The following TMEM156 variants were observed in gnomAD, a reference collection of about 807,000 sequenced individuals.
TMEM156 encodes transmembrane protein 156.
A neutral mutation model predicts 30.5 loss-of-function variants in TMEM156; 28 were observed. The observed-to-expected ratio is 0.92, with a 90% CI of 0.68 to 1.26. The LOEUF is 1.26. Among genes scored for constraint, TMEM156 ranks in the 50% most tolerant of loss-of-function variants. The pLI, the probability that TMEM156 is intolerant of heterozygous loss-of-function variation, is 0.00. For synonymous variants in TMEM156, 137 were observed against 119.9 expected (o/e 1.14, Z -0.93); for missense variants, 351 against 340.6 (o/e 1.03, Z -0.24).
intron 3 of TMEM156, among the ~76,000 whole-genome samples, chr4:38,989,325 T>C (rs1213521721): frequency 6.6e-6 from 1 of 152,176 alleles, no homozygotes; most frequent in African/African-American, 2.4e-5. Context: ...ATTCATAATT[T>C]TGACCCTGGG....
chr4:38,985,889 T>C (rs983215607), intron 5 of TMEM156, among the ~76,000 whole-genome samples: 1 of 152,214 alleles, frequency 6.6e-6, no homozygotes, highest in African/African-American at 2.4e-5. Flanking sequence ...CATTTCTGTT[T>C]CTCAGGAGAG....
chr4:38,992,718 A>AT lies in TMEM156; in HGVS notation c.619+1019dup, dbSNP rs1553878914. ...ATTATATAATATATATATATTATAT[A>AT]TATATAATATATATATAATATATAA... On this transcript the variant is annotated intron_variant, in intron 3 of 6. Coordinates refer to ENST00000381938, the MANE Select transcript of TMEM156 (RefSeq NM_024943.3). Among the ~76,000 whole-genome samples the AT allele has an allele frequency of 2.0e-3, 85 of 43,412 alleles. 2 individuals carry two copies. Among genetic ancestry groups the AT allele is most frequent in the African/African-American group, 5.1e-3 (75 of 14,800 alleles). 28.5% of individuals were successfully genotyped at this position (43,412 alleles called of 152,430 possible).
intron 5 of TMEM156, among the ~76,000 whole-genome samples, chr4:38,979,104 G>T (rs1314620367): frequency 1.3e-5 from 2 of 152,206 alleles, no homozygotes; most frequent in Admixed American, 1.3e-4. Context: ...TTAATGCACT[G>T]GCCTTGAGGT....
intron 1 of TMEM156, 132 bp downstream of exon 1, chr4:39,032,094 T>C: frequency 3.3e-6 from 2 of 607,184 alleles, no homozygotes; most frequent in Admixed American, 2.9e-5. Flanking sequence ...AATCTTGTTT[T>C]ATTAGTTTTT....
intron 1 of TMEM156, among the ~76,000 whole-genome samples, chr4:39,002,380 A>G (rs1331760057): frequency 6.7e-6 from 1 of 149,596 alleles, no homozygotes; most frequent in Non-Finnish European, 1.5e-5. Context: ...AAAGTCAGGA[A>G]ACGACAGGTG....
At chr4:38,975,181 C>T (rs1054105867) in intron 5 of TMEM156, among the ~76,000 whole-genome samples, 15 of 151,910 alleles carry the variant, frequency 9.9e-5, no homozygotes, top group African/African-American at 2.7e-4. Context: ...AAATGAGACC[C>T]GAGGCCATCT....
At chr4:39,006,118 A>G (rs1446491091) in intron 1 of TMEM156, among the ~76,000 whole-genome samples, 2 of 151,830 alleles carry the variant, frequency 1.3e-5, no homozygotes, top group Non-Finnish European at 2.9e-5. Context: ...CTGGTCTCAA[A>G]CTCCTGACCC....
chr4:39,008,427 T>G (rs918257544), intron 1 of TMEM156, among the ~76,000 whole-genome samples: 1 of 152,186 alleles, frequency 6.6e-6, no homozygotes, highest in African/African-American at 2.4e-5. Context: ...TATTAGATTT[T>G]TCTAATGCTA....
chr4:39,006,351 TTAA>T (rs1409848396), intron 1 of TMEM156, among the ~76,000 whole-genome samples: 1 of 152,180 alleles, frequency 6.6e-6, no homozygotes, highest in Non-Finnish European at 1.5e-5. Context: ...TTTTATTTAA[TTAA>T]TGTTTAGAAG....
chr4:38,982,530 C>G (rs369168385), intron 5 of TMEM156, among the ~76,000 whole-genome samples: 1 of 152,190 alleles, frequency 6.6e-6, no homozygotes, highest in Non-Finnish European at 1.5e-5. Flanking sequence ...CCCAATCTCT[C>G]AGACTCATTT....
At chr4:38,969,927 C>T (rs1722517034) in intron 6 of TMEM156, among the ~76,000 whole-genome samples, 1 of 152,162 alleles carries the variant, frequency 6.6e-6, no homozygotes, top group South Asian at 2.1e-4. Context: ...TACCCAGTAG[C>T]GGGATTGCTG....
chr4:39,000,745 G>A (rs1006136405), intron 1 of TMEM156, among the ~76,000 whole-genome samples: 1 of 151,960 alleles, frequency 6.6e-6, no homozygotes, highest in South Asian at 2.1e-4. Flanking sequence ...AACTTAGCCA[G>A]GCATGGTGGT....
At chr4:38,983,998 T>C (rs1577519618) in intron 5 of TMEM156, among the ~76,000 whole-genome samples, 1 of 152,140 alleles carries the variant, frequency 6.6e-6, no homozygotes, top group African/African-American at 2.4e-5. Context: ...CACAGATAAA[T>C]AAGACAGAGA....
chr4:38,984,347 CTCTGTGTGTGTGTGTGTG>C (rs1170984525), intron 5 of TMEM156, among the ~76,000 whole-genome samples: 1 of 130,550 alleles, frequency 7.7e-6, no homozygotes, highest in Non-Finnish European at 1.5e-5. Context: ...CTCTCTCTCT[CTCTGTGTGTGTGTGTGTG>C]TGTGTGTGTG....
chr4:39,007,558 G>T (rs1360057770), intron 1 of TMEM156, among the ~76,000 whole-genome samples: 1 of 152,026 alleles, frequency 6.6e-6, no homozygotes, highest in African/African-American at 2.4e-5. Flanking sequence ...GAGTTCAAAC[G>T]ATTCTCCTGC....
chr4:39,004,606 C>T (rs1038879866), intron 1 of TMEM156, among the ~76,000 whole-genome samples: 4 of 151,956 alleles, frequency 2.6e-5, no homozygotes, highest in South Asian at 2.1e-4. Flanking sequence ...TTTTACTTTG[C>T]TTAACATGTT....
intron 6 of TMEM156, among the ~76,000 whole-genome samples, chr4:38,970,146 T>G (rs200061843): frequency 0.016 from 2,445 of 149,138 alleles, 25 homozygotes; most frequent in East Asian, 0.061. Context: ...GTGTGTGTGT[T>G]TGTGTGTGTG....
At chr4:39,013,134 A>G (rs1477598477) in intron 1 of TMEM156, among the ~76,000 whole-genome samples, 1 of 150,848 alleles carries the variant, frequency 6.6e-6, no homozygotes, top group South Asian at 2.1e-4. Context: ...CCTCGTCTCT[A>G]TAAAAAAAAT....
intron 1 of TMEM156, among the ~76,000 whole-genome samples, chr4:39,014,405 C>A (rs1366264110): frequency 1.3e-5 from 2 of 152,084 alleles, no homozygotes; most frequent in African/African-American, 4.8e-5. Flanking sequence ...TCATCTTCTC[C>A]AGTTTCTGTA....
Sources: allele counts gnomAD v4.1 joint callset (sites outside exome capture counted in the v4.1 genomes callset), GRCh38; gene constraint gnomAD v4.1.1; transcripts MANE v1.5; gene names NCBI Gene and HGNC (gene_info 2026-07-23, HGNC 2026-07-21).